The following DGKH variants were observed in gnomAD, a reference collection of about 807,000 sequenced individuals.
The protein encoded by DGKH is diacylglycerol kinase eta, also known as DAG kinase eta.
A neutral mutation model predicts 159.3 loss-of-function variants in DGKH; 90 were observed. That is an observed-to-expected ratio of 0.57 (90% CI 0.48 to 0.67). DGKH has a LOEUF of 0.67. DGKH is among the 30% of genes least tolerant of loss of function. The pLI is 0.00. For synonymous variants in DGKH, 536 were observed against 553.8 expected, an observed-to-expected ratio of 0.97 and a Z score of 0.45; for missense variants, 1,181 against 1,506.1, an observed-to-expected ratio of 0.78 and a Z score of 3.57.
intron 26 of DGKH, among the ~76,000 whole-genome samples, chr13:42,218,230 A>G (rs1305775983): frequency 6.6e-6 from 1 of 152,178 alleles, no homozygotes; most frequent in East Asian, 1.9e-4. Context: ...TTGTAAGTGC[A>G]TTTTAATACC....
intron 20 of DGKH, among the ~76,000 whole-genome samples, chr13:42,203,493 C>G (rs1957394160): frequency 6.6e-6 from 1 of 152,172 alleles, no homozygotes; most frequent in African/African-American, 2.4e-5. Context: ...AAGTGAAGCT[C>G]TAAAAGCTTA....
At chr13:42,220,814 G>A (rs1957948039) in intron 28 of DGKH, among the ~76,000 whole-genome samples, 1 of 152,154 alleles carries the variant, frequency 6.6e-6, no homozygotes, top group Non-Finnish European at 1.5e-5. Context: ...AAGACCTTAA[G>A]CAGAAAAGTC....
intron 12 of DGKH, among the ~76,000 whole-genome samples, chr13:42,175,448 G>A (rs1360491175): frequency 6.6e-6 from 1 of 151,914 alleles, no homozygotes; most frequent in Admixed American, 6.6e-5. Context: ...ACATTTTTAT[G>A]GAAATCAGTC....
At chr13:42,228,193 C>T (rs1414876524) in intron 29 of DGKH, among the ~76,000 whole-genome samples, 1 of 152,108 alleles carries the variant, frequency 6.6e-6, no homozygotes, top group East Asian at 1.9e-4. Flanking sequence ...GCTGTGCACA[C>T]TCTGCAGTCA....
downstream of DGKH, among the ~76,000 whole-genome samples, chr13:42,246,809 T>C (rs1248157453): frequency 1.3e-5 from 2 of 152,202 alleles, no homozygotes; most frequent in Non-Finnish European, 2.9e-5. Flanking sequence ...GAAAGTGATC[T>C]GAGATCTCGT....
At chr13:42,084,354 T>G (rs1954264040) in intron 1 of DGKH, among the ~76,000 whole-genome samples, 1 of 152,224 alleles carries the variant, frequency 6.6e-6, no homozygotes, top group Non-Finnish European at 1.5e-5. Flanking sequence ...GTTTTCTTTT[T>G]CTTTGATACT....
chr13:42,221,515 A>AC, intron 29 of DGKH, 121 bp downstream of exon 29: 2 of 1,253,588 alleles, frequency 1.6e-6, no homozygotes, highest in Non-Finnish European at 2.2e-6. Context: ...GTAGTAACCT[A>AC]ACATTCACTG....
Position 42,173,958 on chromosome 13 carries a change from T to G in DGKH, c.1368-102T>G. 5 of 672,286 alleles carry G rather than the reference T, an allele frequency of 7.4e-6. No individual in the cohort carries two copies. The South Asian group carries it at 9.3e-5, about 13-fold the overall frequency. The allele number at this position is 672,286 out of a possible 1,614,324, so 41.6% of individuals were successfully genotyped here. ...GTTCATGAATGTGTGTGTGTGTGTG[T>G]GCGTGCGTGTGTGTGTGTGTGTGTG... On this transcript the variant is annotated intron_variant, in intron 11 of 29. Coordinates refer to ENST00000337343, the MANE Select transcript of DGKH (RefSeq NM_178009.5).
At chr13:42,088,117 G>A (rs925410582) in intron 1 of DGKH, among the ~76,000 whole-genome samples, 1 of 152,114 alleles carries the variant, frequency 6.6e-6, no homozygotes, top group Non-Finnish European at 1.5e-5. Context: ...TAGAGCGACA[G>A]TTTTAAATGG....
chr13:42,220,134 C>T (rs548677962), intron 28 of DGKH, among the ~76,000 whole-genome samples: 66 of 152,182 alleles, frequency 4.3e-4, no homozygotes, highest in Non-Finnish European at 7.5e-4. Context: ...GGTTCTTTCT[C>T]AACAGCAAGT....
chr13:42,210,497 G>A (rs1957624580), intron 23 of DGKH, 105 bp from the exon 24 acceptor site: 1 of 1,082,678 alleles, frequency 9.2e-7, no homozygotes, highest in African/African-American at 1.6e-5. Context: ...TGATTTATTT[G>A]AGGAGTCATT....
At chr13:42,099,540 C>G (rs1954614061) in intron 1 of DGKH, among the ~76,000 whole-genome samples, 1 of 152,086 alleles carries the variant, frequency 6.6e-6, no homozygotes, top group Admixed American at 6.5e-5. Flanking sequence ...TTCAGTGTCT[C>G]TGAAGTGTGA....
intron 21 of DGKH, among the ~76,000 whole-genome samples, chr13:42,207,022 T>TCTTTCTTTCTTC (rs1957499891): frequency 7.1e-6 from 1 of 141,780 alleles, no homozygotes; most frequent in East Asian, 2.0e-4. Flanking sequence ...TTTCTTTCTT[T>TCTTTCTTTCTTC]CTTTTTCTTT....
Position 42,168,369 on chromosome 13 carries a change from C to T in DGKH, c.1119-71C>T, listed in dbSNP as rs1956360424. ...TTTAATCTGAATATGAATACTGATA[C>T]AGAATAACAAAGAATTGAGGAAAGT... On this transcript the variant is annotated intron_variant, in intron 9 of 29. Coordinates refer to ENST00000337343, the MANE Select transcript of DGKH (RefSeq NM_178009.5). 3.1e-6 allele frequency: 4 copies of T among 1,303,612 alleles called. No homozygotes were observed. In the Admixed American group the frequency reaches 8.4e-5, roughly 27 times the overall value. 80.8% of individuals were successfully genotyped at this position (1,303,612 alleles called of 1,614,324 possible). A position where few individuals can be genotyped will look rare whatever the true frequency, so the allele number is the denominator to read the frequency against.
rs545858388 is a variant in DGKH, at chr13:42,061,540, AT to A, written c.192+12578del. On this transcript the variant is annotated intron_variant, in intron 1 of 29. Coordinates refer to ENST00000337343, the MANE Select transcript of DGKH (RefSeq NM_178009.5). Reference sequence around the variant, plus strand: ...TGCTGCATGAATCTCTCCTGAATTCATTTCTCCCTTTCCATTTGCTGCTTAC... The same window carrying A: ...TGCTGCATGAATCTCTCCTGAATTCATTCTCCCTTTCCATTTGCTGCTTAC... Among the ~76,000 whole-genome samples the A allele has an allele frequency of 1.2e-3, 182 of 152,220 alleles. 1 individual carries two copies. The highest frequency in any genetic ancestry group is 2.0e-3 in the Non-Finnish European group (135 of 68,002).
At chr13:42,100,243 T>A (rs1319109937) in intron 1 of DGKH, among the ~76,000 whole-genome samples, 1 of 152,174 alleles carries the variant, frequency 6.6e-6, no homozygotes, top group East Asian at 1.9e-4. Flanking sequence ...GCACTTCTTA[T>A]GAGAATCTAA....
downstream of DGKH, among the ~76,000 whole-genome samples, chr13:42,244,976 G>A (rs1453480334): frequency 1.3e-5 from 2 of 149,752 alleles, no homozygotes; most frequent in African/African-American, 2.5e-5. Flanking sequence ...GGAAAGTGGG[G>A]CAAGAAGCTG....
intron 29 of DGKH, 54 bp downstream of exon 29, chr13:42,221,448 T>C (rs1357171940): frequency 6.2e-7 from 1 of 1,601,480 alleles, no homozygotes; most frequent in African/African-American, 1.3e-5. Context: ...AACAGAATCC[T>C]TTCTCCTGTG....
intron 9 of DGKH, among the ~76,000 whole-genome samples, chr13:42,166,954 C>G (rs1011787040): frequency 1.3e-5 from 2 of 151,922 alleles, no homozygotes; most frequent in African/African-American, 4.8e-5. Context: ...GATCAACTTG[C>G]GTAAATATAG....
Sources: gnomAD v4.1 joint callset for allele counts (sites outside exome capture counted in the v4.1 genomes callset) on GRCh38, gnomAD v4.1.1 for gene constraint, MANE v1.5 for transcripts, NCBI Gene and HGNC (gene_info 2026-07-23, HGNC 2026-07-21) for gene names.